Variants in LUZP2 observed in about 807,000 individuals in gnomAD.
The protein encoded by LUZP2 is leucine zipper protein 2.
In LUZP2, 52 loss-of-function variants were observed where a neutral mutation model predicts 51.6. That is an observed-to-expected ratio of 1.01 (90% confidence interval 0.81 to 1.27). The LOEUF (loss-of-function observed/expected upper bound fraction) is 1.27. LUZP2 is among the 50% of genes most tolerant of loss of function. The pLI is 0.00. For missense variants in LUZP2, 436 were observed against 395.4 expected, an observed-to-expected ratio of 1.10 and a Z score of -0.87; for synonymous variants, 154 against 137.3, an observed-to-expected ratio of 1.12 and a Z score of -0.85.
intron 9 of LUZP2, among the ~76,000 whole-genome samples, chr11:25,021,315 G>C (rs1002831369): frequency 2.7e-5 from 4 of 149,564 alleles, no homozygotes; most frequent in African/African-American, 9.8e-5. Flanking sequence ...AAAAAAAAAG[G>C]ATGTTTTGGG....
chr11:24,944,885 T>G (rs766336713), intron 7 of LUZP2, among the ~76,000 whole-genome samples: 4 of 152,166 alleles, frequency 2.6e-5, no homozygotes, highest in Non-Finnish European at 5.9e-5. Flanking sequence ...GTGCTATTTT[T>G]TAAAAGCTGT....
intron 1 of LUZP2, among the ~76,000 whole-genome samples, chr11:24,522,411 G>T (rs1490782505): frequency 4.0e-5 from 6 of 150,934 alleles, no homozygotes; most frequent in African/African-American, 1.5e-4. Flanking sequence ...ATCTAATTAT[G>T]CAATGCAAAG....
chr11:24,911,823 A>G (rs1023998875), intron 6 of LUZP2, among the ~76,000 whole-genome samples: 2 of 152,208 alleles, frequency 1.3e-5, no homozygotes, highest in Admixed American at 6.5e-5. Flanking sequence ...ATTCTGAAGT[A>G]GAAGAATAAA....
intron 1 of LUZP2, among the ~76,000 whole-genome samples, chr11:24,720,775 C>A (rs562712544): frequency 6.6e-6 from 1 of 152,100 alleles, no homozygotes; most frequent in African/African-American, 2.4e-5. Flanking sequence ...CTCGGCTTAC[C>A]GCAAGCTCTG....
At chr11:24,677,161 A>T (rs1039836331) in intron 1 of LUZP2, among the ~76,000 whole-genome samples, 3 of 151,950 alleles carry the variant, frequency 2.0e-5, no homozygotes, top group Non-Finnish European at 4.4e-5. Flanking sequence ...GAAAATCTCC[A>T]CCTGTAGCTG....
chr11:24,957,905 C>G (rs550817559), intron 7 of LUZP2, among the ~76,000 whole-genome samples: 1 of 152,246 alleles, frequency 6.6e-6, no homozygotes, highest in South Asian at 2.1e-4. Context: ...CCCTCCCCTC[C>G]CCAACCCCAC....
intron 1 of LUZP2, among the ~76,000 whole-genome samples, chr11:24,594,447 T>C (rs534787752): frequency 6.6e-6 from 1 of 152,144 alleles, no homozygotes; most frequent in Non-Finnish European, 1.5e-5. Flanking sequence ...TTTCACTCTT[T>C]TGATGCCCTG....
At chr11:24,545,529 A>G (rs1453104992) in intron 1 of LUZP2, among the ~76,000 whole-genome samples, 3 of 144,744 alleles carry the variant, frequency 2.1e-5, no homozygotes, top group Non-Finnish European at 4.5e-5. Flanking sequence ...TATTTGCTGA[A>G]TGGGGAGTCC....
chr11:24,609,954 C>A (rs144760246), intron 1 of LUZP2, among the ~76,000 whole-genome samples: 87 of 152,156 alleles, frequency 5.7e-4, no homozygotes, highest in African/African-American at 2.0e-3. Context: ...CCCCAGGGAA[C>A]TAAAAATATA....
At chr11:24,933,255 A>C (rs1217991403) in intron 7 of LUZP2, among the ~76,000 whole-genome samples, 1 of 151,954 alleles carries the variant, frequency 6.6e-6, no homozygotes, top group Non-Finnish European at 1.5e-5. Flanking sequence ...TTCCTGTGGT[A>C]GTTTGTGGAG....
chr11:25,000,310 C>A (rs2133941608), intron 9 of LUZP2, among the ~76,000 whole-genome samples: 1 of 152,286 alleles, frequency 6.6e-6, no homozygotes, highest in Admixed American at 6.5e-5. Context: ...ACAGGACACC[C>A]CAACTGCTGT....
At chr11:24,957,353 C>T (rs937986968) in intron 7 of LUZP2, among the ~76,000 whole-genome samples, 2 of 151,982 alleles carry the variant, frequency 1.3e-5, no homozygotes, top group Non-Finnish European at 2.9e-5. Context: ...AAATATTTAT[C>T]ATTTTTTATA....
chr11:24,562,220 C>T (rs990205019), intron 1 of LUZP2, among the ~76,000 whole-genome samples: 18 of 151,856 alleles, frequency 1.2e-4, no homozygotes, highest in African/African-American at 2.2e-4. Flanking sequence ...CCTTTTGAAA[C>T]GCAAAGAGAC....
chr11:24,777,082 C>T (rs570611762), intron 5 of LUZP2, among the ~76,000 whole-genome samples: 7 of 150,228 alleles, frequency 4.7e-5, no homozygotes, highest in Non-Finnish European at 1.0e-4. Context: ...GCAAGCTCAG[C>T]CTCCCGGGTT....
intron 1 of LUZP2, among the ~76,000 whole-genome samples, chr11:24,726,168 GAGAA>G (rs1471680717): frequency 6.6e-6 from 1 of 152,094 alleles, no homozygotes; most frequent in African/African-American, 2.4e-5. Context: ...ATAATTCACA[GAGAA>G]AGAAATACAA....
At chr11:24,617,739 T>A (rs1336935950) in intron 1 of LUZP2, among the ~76,000 whole-genome samples, 4 of 152,154 alleles carry the variant, frequency 2.6e-5, no homozygotes, top group African/African-American at 9.6e-5. Context: ...GGTAATCTCT[T>A]GAACCTCGGA....
intron 7 of LUZP2, among the ~76,000 whole-genome samples, chr11:24,948,816 C>A (rs1854978330): frequency 1.5e-5 from 1 of 64,880 alleles, no homozygotes; most frequent in South Asian, 5.8e-4. Context: ...ATCTATCTAT[C>A]TATCTATCAT....
intron 9 of LUZP2, among the ~76,000 whole-genome samples, chr11:25,026,961 C>T (rs1420470125): frequency 6.6e-6 from 1 of 151,024 alleles, no homozygotes; most frequent in Non-Finnish European, 1.5e-5. Flanking sequence ...ATTAGATTCA[C>T]TGTCCCAGAT....
chr11:24,581,869 TCAGAGAA>T, intron 1 of LUZP2, among the ~76,000 whole-genome samples: 1 of 152,186 alleles, frequency 6.6e-6, no homozygotes, highest in South Asian at 2.1e-4. Flanking sequence ...AAACAGAGGC[TCAGAGAA>T]TTGATTCACG....
Sources: allele counts gnomAD v4.1 joint callset (sites outside exome capture counted in the v4.1 genomes callset), GRCh38; gene constraint gnomAD v4.1.1; transcripts MANE v1.5; gene names NCBI Gene and HGNC (gene_info 2026-07-23, HGNC 2026-07-21).